Variants in RBPJ observed in about 807,000 individuals in gnomAD.
RBPJ encodes recombining binding protein suppressor of hairless.
In RBPJ, 9 loss-of-function variants were observed where a neutral mutation model predicts 67.8. The ratio of observed to expected loss-of-function variants is 0.13; its 90% CI spans 0.08 to 0.23. RBPJ has a LOEUF of 0.23. Among genes scored for constraint, RBPJ ranks in the 10% least tolerant of loss-of-function variants. The probability of loss-of-function intolerance (pLI) is 1.00; values close to 1 mark genes in which losing one functional copy is unlikely to be tolerated. For synonymous variants in RBPJ, 198 were observed against 203.3 expected (o/e 0.97, Z 0.22); for missense variants, 305 against 595.6 (o/e 0.51, Z 5.08).
rs145569181 is a variant in RBPJ, at chr4:26,428,448, C to A, written c.748-272C>A. On this transcript the variant is annotated intron_variant, in intron 7 of 10. Coordinates refer to ENST00000355476, the MANE Select transcript of RBPJ (RefSeq NM_015874.6). ...ACATTAATGTTTGAAAAACACTGATCTAGAAAACAAGTGCCTGCCTGCCTG... is the reference window on the plus strand; with the variant it reads ...ACATTAATGTTTGAAAAACACTGATATAGAAAACAAGTGCCTGCCTGCCTG... Among the ~76,000 whole-genome samples the A allele has an allele frequency of 3.3e-5, 5 of 151,814 alleles. No homozygotes were observed. The East Asian group carries it at 7.7e-4, about 23-fold the overall frequency.
intron 1 of RBPJ, among the ~76,000 whole-genome samples, chr4:26,358,096 A>G (rs955698071): frequency 3.3e-5 from 5 of 151,544 alleles, no homozygotes; most frequent in Non-Finnish European, 7.4e-5. Context: ...TAAAGAATGA[A>G]TATAATAAAA....
the RBPJ span, among the ~76,000 whole-genome samples, chr4:26,125,173 T>C: frequency 1.3e-5 from 2 of 152,222 alleles, no homozygotes; most frequent in South Asian, 2.1e-4. Flanking sequence ...AACTTAGTCA[T>C]CTGGCCACAC....
intron 1 of RBPJ, among the ~76,000 whole-genome samples, chr4:26,240,334 G>A (rs780198502): frequency 2.6e-5 from 4 of 152,092 alleles, no homozygotes; most frequent in Admixed American, 6.6e-5. Flanking sequence ...GGGATACCCC[G>A]TCTGGGTCAT....
intron 2 of RBPJ, among the ~76,000 whole-genome samples, chr4:26,397,167 G>C (rs1460264426): frequency 6.6e-6 from 1 of 152,190 alleles, no homozygotes; most frequent in East Asian, 1.9e-4. Flanking sequence ...TGATTTCACT[G>C]AAGCATCTTG....
intron 1 of RBPJ, among the ~76,000 whole-genome samples, chr4:26,166,149 G>A (rs1273143460): frequency 6.7e-6 from 1 of 148,608 alleles, no homozygotes; most frequent in Non-Finnish European, 1.5e-5. Flanking sequence ...CCAAGTCTTT[G>A]CTATTGTGAA....
intron 1 of RBPJ, among the ~76,000 whole-genome samples, chr4:26,294,063 G>T (rs1721766530): frequency 6.8e-6 from 1 of 147,598 alleles, no homozygotes; most frequent in South Asian, 2.2e-4. Flanking sequence ...CGGCCAGGAA[G>T]TTGTTTTTGT....
In RBPJ at chr4:26,377,679, T is replaced by C. The variant is rs1327033687; in HGVS notation, c.21-8674T>C. On this transcript the variant is annotated intron_variant, in intron 1 of 10. Transcript: ENST00000355476. ...TTGTTTGAGTCAGGCATATATTTTC[T>C]AAAATGGTTTCCCTAGTGAAATTTG... Among the ~76,000 whole-genome samples the C allele has an allele frequency of 4.6e-5, 7 of 152,368 alleles. No homozygotes were observed. In the East Asian group the frequency reaches 1.3e-3, roughly 29 times the overall value.
chr4:26,249,804 T>G (rs1190776603), intron 1 of RBPJ, among the ~76,000 whole-genome samples: 2 of 150,636 alleles, frequency 1.3e-5, no homozygotes, highest in East Asian at 3.9e-4. Context: ...TTTTTTTTTT[T>G]TTGAGATGGA....
At chr4:26,175,383 G>C (rs192319856) in intron 1 of RBPJ, among the ~76,000 whole-genome samples, 3 of 152,050 alleles carry the variant, frequency 2.0e-5, no homozygotes, top group African/African-American at 4.8e-5. Flanking sequence ...GAGCTGGGGG[G>C]GGGATTTGAG....
rs6847065 is a variant in RBPJ, at chr4:26,406,107, G to A, written c.60-68G>A. On this transcript the variant is annotated intron_variant, in intron 2 of 10. Transcript: ENST00000355476. The stretch of plus-strand genomic sequence containing the variant: ...ATAAGCATTCCTCTCATTACAGAGC[G>A]TAGTAATGATGAAAGATTTCATCAA... 0.089 allele frequency: 87,583 copies of A among 980,790 alleles called. 4,869 individuals carry two copies. Among genetic ancestry groups the A allele is most frequent in the East Asian group, 0.26 (10,991 of 41,792 alleles). 60.8% of individuals were successfully genotyped at this position (980,790 alleles called of 1,614,324 possible). A position where few individuals can be genotyped will look rare whatever the true frequency, so the allele number is the denominator to read the frequency against.
At chr4:26,211,602 C>T (rs1464050232) in intron 1 of RBPJ, among the ~76,000 whole-genome samples, 1 of 152,144 alleles carries the variant, frequency 6.6e-6, no homozygotes, top group Non-Finnish European at 1.5e-5. Flanking sequence ...TGAGAGCCTT[C>T]GCACCAAGCA....
chr4:26,117,094 AG>A, the RBPJ span, among the ~76,000 whole-genome samples: 4 of 152,384 alleles, frequency 2.6e-5, no homozygotes, highest in African/African-American at 7.2e-5. Context: ...TATAACACTT[AG>A]TAAATGTTAA....
the RBPJ span, among the ~76,000 whole-genome samples, chr4:26,133,503 A>G: frequency 2.1e-4 from 32 of 152,222 alleles, no homozygotes; most frequent in African/African-American, 7.7e-4. Flanking sequence ...CAGGCTGCAG[A>G]CCCATATGGT....
At chr4:26,231,187 T>C (rs914346218) in intron 1 of RBPJ, among the ~76,000 whole-genome samples, 1 of 152,118 alleles carries the variant, frequency 6.6e-6, no homozygotes, top group African/African-American at 2.4e-5. Context: ...CATAAAACCA[T>C]AGGAGAAAGG....
At chr4:26,392,647 G>A (rs747286709) in intron 2 of RBPJ, among the ~76,000 whole-genome samples, 4 of 152,206 alleles carry the variant, frequency 2.6e-5, no homozygotes, top group Non-Finnish European at 5.9e-5. Context: ...TAGATCAGTG[G>A]TTTCCTGGGG....
At chr4:26,351,402 T>A (rs986816287) in intron 1 of RBPJ, among the ~76,000 whole-genome samples, 1 of 152,112 alleles carries the variant, frequency 6.6e-6, no homozygotes, top group African/African-American at 2.4e-5. Context: ...CTTTGTTTAT[T>A]TTTTGGTGGG....
chr4:26,146,401 A>G, the RBPJ span, among the ~76,000 whole-genome samples: 1 of 152,240 alleles, frequency 6.6e-6, no homozygotes, highest in Non-Finnish European at 1.5e-5. Flanking sequence ...CTCAAATCGG[A>G]TCATAGACTT....
intron 1 of RBPJ, among the ~76,000 whole-genome samples, chr4:26,352,064 A>G (rs1726867331): frequency 1.3e-5 from 2 of 152,208 alleles, no homozygotes; most frequent in African/African-American, 4.8e-5. Flanking sequence ...GAGTAGCATT[A>G]ATGTATACTC....
At chr4:26,253,770 A>T (rs1720198887) in intron 1 of RBPJ, among the ~76,000 whole-genome samples, 1 of 148,872 alleles carries the variant, frequency 6.7e-6, no homozygotes. Flanking sequence ...TTGACTTCAG[A>T]TCATAAACTG....
Sources: gnomAD v4.1 joint callset for allele counts (sites outside exome capture counted in the v4.1 genomes callset) on GRCh38, gnomAD v4.1.1 for gene constraint, MANE v1.5 for transcripts, NCBI Gene and HGNC (gene_info 2026-07-23, HGNC 2026-07-21) for gene names.